The following SPAST variants were observed in gnomAD, a reference collection of about 807,000 sequenced individuals.
SPAST encodes the protein spastin, also known as spastic paraplegia 4 (autosomal dominant; spastin).
A neutral mutation model predicts 76.6 loss-of-function variants in SPAST; 30 were observed. The ratio of observed to expected loss-of-function variants is 0.39; its 90% CI spans 0.29 to 0.53. The LOEUF is 0.53. SPAST is among the 20% of genes least tolerant of loss of function. The pLI is 0.68. For missense variants in SPAST, 717 were observed against 770.5 expected, an observed-to-expected ratio of 0.93 and a Z score of 0.82; for synonymous variants, 305 against 281.0, an observed-to-expected ratio of 1.09 and a Z score of -0.86.
chr2:32,099,970 A>G (rs1452084994), intron 4 of SPAST, among the ~76,000 whole-genome samples: 1 of 118,830 alleles, frequency 8.4e-6, no homozygotes, highest in Non-Finnish European at 1.8e-5. Context: ...GCTGCAGTAA[A>G]CATGGGGTGT....
At chr2:32,139,126 T>C (rs1679635468) in intron 12 of SPAST, among the ~76,000 whole-genome samples, 1 of 152,238 alleles carries the variant, frequency 6.6e-6, no homozygotes, top group Admixed American at 6.5e-5. Flanking sequence ...TAGGATTGCT[T>C]TGTCTATTTG....
chr2:32,122,357 T>C (rs1292551501), intron 7 of SPAST, among the ~76,000 whole-genome samples: 1 of 152,180 alleles, frequency 6.6e-6, no homozygotes, highest in Non-Finnish European at 1.5e-5. Context: ...AGTCTCACTC[T>C]GTTGCCCAGG....
At chr2:32,082,865 G>A (rs1324511016) in intron 1 of SPAST, among the ~76,000 whole-genome samples, 1 of 152,060 alleles carries the variant, frequency 6.6e-6, no homozygotes, top group Admixed American at 6.6e-5. Context: ...TCTTTTTAAT[G>A]CTGAATAGTA....
At chr2:32,102,751 T>C (rs1678175845) in intron 4 of SPAST, among the ~76,000 whole-genome samples, 1 of 152,284 alleles carries the variant, frequency 6.6e-6, no homozygotes, top group Non-Finnish European at 1.5e-5. Context: ...TCTTTGGTTC[T>C]GTTTATATGA....
intron 14 of SPAST, among the ~76,000 whole-genome samples, chr2:32,144,515 C>T (rs1679822082): frequency 6.6e-6 from 1 of 152,190 alleles, no homozygotes; most frequent in Non-Finnish European, 1.5e-5. Flanking sequence ...ACCCTCATAA[C>T]TATGGGTTTG....
chr2:32,072,886 A>C (rs967130980), intron 1 of SPAST, among the ~76,000 whole-genome samples: 70 of 152,212 alleles, frequency 4.6e-4, no homozygotes, highest in African/African-American at 1.6e-3. Context: ...AGTTTCTCTG[A>C]TTAAACTAAG....
intron 3 of SPAST, among the ~76,000 whole-genome samples, chr2:32,089,883 C>T (rs1247010933): frequency 1.3e-5 from 2 of 152,086 alleles, no homozygotes; most frequent in African/African-American, 4.8e-5. Context: ...CCTGCCTCAG[C>T]CTCCTGAGTA....
At chr2:32,084,506 A>G (rs543345752) in intron 1 of SPAST, among the ~76,000 whole-genome samples, 1 of 152,224 alleles carries the variant, frequency 6.6e-6, no homozygotes, top group East Asian at 1.9e-4. Context: ...AACTGCAGGT[A>G]TGCATTAGGG....
intron 1 of SPAST, among the ~76,000 whole-genome samples, chr2:32,071,169 T>G (rs1332757554): frequency 1.3e-5 from 2 of 152,116 alleles, no homozygotes. Flanking sequence ...TGGTGGAGGT[T>G]CTCTAGGTGA....
chr2:32,106,569 A>G (rs1678330035), intron 4 of SPAST, among the ~76,000 whole-genome samples: 1 of 152,120 alleles, frequency 6.6e-6, no homozygotes, highest in South Asian at 2.1e-4. Flanking sequence ...AGCTGTTCCT[A>G]TTTGGCCATC....
chr2:32,088,718 C>A (rs75874845), intron 2 of SPAST, among the ~76,000 whole-genome samples: 2 of 54,974 alleles, frequency 3.6e-5, no homozygotes, highest in Non-Finnish European at 7.9e-5. Context: ...GAGTAAAAAA[C>A]AATTTAATTA....
chr2:32,140,943 GTTTT>G (rs35964074), intron 12 of SPAST, among the ~76,000 whole-genome samples: 40 of 117,262 alleles, frequency 3.4e-4, no homozygotes, highest in South Asian at 2.6e-3. Flanking sequence ...TGTTGTTGTT[GTTTT>G]TTTTTTTTTT....
At chr2:32,114,954 T>TC (rs1354224217) in intron 5 of SPAST, 129 bp downstream of exon 5, 1 of 632,356 alleles carries the variant, frequency 1.6e-6, no homozygotes, top group African/African-American at 2.4e-5. Flanking sequence ...TCCATAAAGT[T>TC]AAATTTTTTT....
At chr2:32,108,829 G>A (rs534476449) in intron 4 of SPAST, among the ~76,000 whole-genome samples, 13 of 143,270 alleles carry the variant, frequency 9.1e-5, no homozygotes, top group East Asian at 2.2e-4. Context: ...GCAGTGGCGC[G>A]ATCTGGGCTC....
rs558882317 is a variant in SPAST at position 32,063,899 on chromosome 2, G to A, written c.68G>A (p.Arg23Lys). The A allele has an allele frequency of 1.7e-4, 264 of 1,582,166 alleles. 5 individuals are homozygous for A. In the South Asian group the frequency reaches 2.9e-3, roughly 17 times the overall value. ...SGGASNPVPP[R>K]PPPPCLAPAP... ...GGCGCCAGCAACCCGGTGCCTCCCA[G>A]GCCTCCGCCCCCTTGCCTGGCCCCC... The change falls in exon 1 of 17, where the codon AGG (arginine) becomes AAG (lysine). Residue 23 changes from arginine (R) to lysine (K), a missense_variant. By Grantham distance (26) the Arg-to-Lys change is conservative. Transcript: ENST00000315285.
chr2:32,079,557 C>G (rs1194410573), intron 1 of SPAST, among the ~76,000 whole-genome samples: 1 of 151,648 alleles, frequency 6.6e-6, no homozygotes, highest in African/African-American at 2.4e-5. Flanking sequence ...CCCGCCACCC[C>G]ACCCCTGCTT....
chr2:32,095,530 G>A (rs1369184993), intron 3 of SPAST, among the ~76,000 whole-genome samples: 2 of 151,440 alleles, frequency 1.3e-5, no homozygotes, highest in Non-Finnish European at 2.9e-5. Context: ...CCAGGAGTTT[G>A]AAACCAGCCT....
intron 16 of SPAST, among the ~76,000 whole-genome samples, chr2:32,151,627 T>G (rs1323620644): frequency 1.3e-5 from 2 of 152,090 alleles, no homozygotes; most frequent in African/African-American, 4.8e-5. Flanking sequence ...AAACCCAACT[T>G]GGTCGCACAC....
intron 16 of SPAST, among the ~76,000 whole-genome samples, chr2:32,154,071 A>T (rs1010957178): frequency 6.6e-6 from 1 of 152,206 alleles, no homozygotes; most frequent in Non-Finnish European, 1.5e-5. Flanking sequence ...GTATTTTTGA[A>T]CTTTTCTATA....
Sources: allele counts gnomAD v4.1 joint callset (sites outside exome capture counted in the v4.1 genomes callset), GRCh38; gene constraint gnomAD v4.1.1; transcripts MANE v1.5; gene names NCBI Gene and HGNC (gene_info 2026-07-23, HGNC 2026-07-21).